The following ERGIC2 variants were observed in gnomAD, a reference collection of about 807,000 sequenced individuals.
ERGIC2 encodes ERGIC and golgi 2.
In ERGIC2, 31 loss-of-function variants were observed where a neutral mutation model predicts 52.5. The observed-to-expected ratio is 0.59, with a 90% CI of 0.44 to 0.80. The LOEUF (loss-of-function observed/expected upper bound fraction) is 0.80, where lower values mean the gene tolerates loss of function less well. Ranked by LOEUF, ERGIC2 falls within the 30% of genes least tolerant of loss-of-function variation. The pLI is 0.00. For missense variants in ERGIC2, 395 were observed against 455.2 expected (o/e 0.87, Z 1.20); for synonymous variants, 129 against 140.6 (o/e 0.92, Z 0.58).
At chr12:29,375,131 C>G (rs937334291) in intron 1 of ERGIC2, among the ~76,000 whole-genome samples, 7 of 151,990 alleles carry the variant, frequency 4.6e-5, no homozygotes, top group Non-Finnish European at 8.8e-5. Flanking sequence ...CTACATTTGA[C>G]TAACTCCTAC....
At chr12:29,355,814 T>C (rs913176390) in intron 8 of ERGIC2, among the ~76,000 whole-genome samples, 13 of 152,140 alleles carry the variant, frequency 8.5e-5, no homozygotes, top group African/African-American at 2.7e-4. Context: ...AAGGCTGTAA[T>C]TGATATTTAC....
chr12:29,375,479 A>C (rs988998675), intron 1 of ERGIC2, among the ~76,000 whole-genome samples: 2 of 152,208 alleles, frequency 1.3e-5, no homozygotes, highest in African/African-American at 4.8e-5. Flanking sequence ...AAGATCCACA[A>C]GAAGGATTTT....
At chr12:29,373,336 T>C (rs1021475193) in intron 1 of ERGIC2, among the ~76,000 whole-genome samples, 1 of 152,164 alleles carries the variant, frequency 6.6e-6, no homozygotes, top group African/African-American at 2.4e-5. Flanking sequence ...ATAGGTAATA[T>C]TATAAAGAAT....
intron 1 of ERGIC2, among the ~76,000 whole-genome samples, chr12:29,379,525 T>C (rs1232631021): frequency 6.6e-6 from 1 of 152,214 alleles, no homozygotes; most frequent in Non-Finnish European, 1.5e-5. Context: ...TCAGTCTACA[T>C]TTTGACTAAG....
At position 29,377,784 on chromosome 12, in the gene ERGIC2, T is replaced by C. The variant is rs371666539; in HGVS notation, c.-38+3331A>G. On this transcript the variant is annotated intron_variant, in intron 1 of 13. Coordinates refer to ENST00000360150, the MANE Select transcript of ERGIC2 (RefSeq NM_016570.3). ...CATCATTGTATCCATCTGAATATAA[T>C]GAGACTATTAAATGCTTTACCAAAA... 3.3e-4 allele frequency among the ~76,000 whole-genome samples: 50 copies of C among 152,350 alleles called. No individual in the cohort carries two copies. In the East Asian group the frequency reaches 8.5e-3, roughly 26 times the overall value.
intron 2 of ERGIC2, among the ~76,000 whole-genome samples, 156 bp from the exon 3 acceptor site, chr12:29,370,378 GT>G (rs1322096429): frequency 6.6e-6 from 1 of 151,754 alleles, no homozygotes; most frequent in East Asian, 1.9e-4. Flanking sequence ...TATTCAAAAT[GT>G]TTATTATGCA....
At chr12:29,374,961 C>T (rs1402339277) in intron 1 of ERGIC2, among the ~76,000 whole-genome samples, 3 of 152,158 alleles carry the variant, frequency 2.0e-5, no homozygotes, top group Non-Finnish European at 1.5e-5. Context: ...GGATTCTATC[C>T]TAACATGTTT....
At position 29,340,882 on chromosome 12, in the gene ERGIC2, T is replaced by C; in HGVS notation, c.*274A>G. The C allele has an allele frequency of 2.1e-6, 1 of 486,260 alleles. No homozygotes were observed. The highest frequency in any genetic ancestry group is 5.0e-5 in the East Asian group (1 of 19,806). The allele number at this position is 486,260 out of a possible 1,614,324, so 30.1% of individuals were successfully genotyped here. ...TCTGATTTTGATACCACCCATTTGC[T>C]ATGAAAATATAAGAAGGCGTCATCT... On this transcript the variant is annotated 3_prime_UTR_variant, in exon 14 of 14. Transcript: ENST00000360150.
chr12:29,352,820 A>C (rs762231518), intron 8 of ERGIC2, among the ~76,000 whole-genome samples: 2 of 140,790 alleles, frequency 1.4e-5, no homozygotes, highest in Non-Finnish European at 3.2e-5. Context: ...TTATCTTTCA[A>C]ATTTAACCTG....
chr12:29,344,539 T>A (rs997652043), intron 11 of ERGIC2, among the ~76,000 whole-genome samples: 2 of 152,140 alleles, frequency 1.3e-5, no homozygotes, highest in African/African-American at 4.8e-5. Context: ...TTTGTGTGAG[T>A]GTATATACAC....
rs1949823675 is a variant in ERGIC2, at chr12:29,339,699, A to G, written c.*1457T>C. ...CTGCATAAACTTTACTGCAAAACAG[A>G]CCCATCACTATTTCTCCTTCTCTCC... On this transcript the variant is annotated 3_prime_UTR_variant, in exon 14 of 14. Coordinates refer to ENST00000360150, the MANE Select transcript of ERGIC2 (RefSeq NM_016570.3). 6.6e-6 allele frequency: 1 copy of G among 152,108 alleles called. No homozygotes were observed. Among genetic ancestry groups the G allele is most frequent in the African/African-American group, 2.4e-5 (1 of 41,440 alleles). 9.4% of individuals were successfully genotyped at this position (152,108 alleles called of 1,614,324 possible).
chr12:29,365,556 A>C (rs2136872201), intron 5 of ERGIC2, among the ~76,000 whole-genome samples: 1 of 152,094 alleles, frequency 6.6e-6, no homozygotes, highest in Non-Finnish European at 1.5e-5. Flanking sequence ...CCTCAGCATT[A>C]CACAATATAC....
chr12:29,356,523 C>T (rs1173488271), intron 7 of ERGIC2, 46 bp from the exon 8 acceptor site: 2 of 998,732 alleles, frequency 2.0e-6, no homozygotes, highest in Non-Finnish European at 3.1e-6. Context: ...AATACAGTTA[C>T]CATTTTATGA....
chr12:29,366,847 A>G, intron 5 of ERGIC2, 30 bp downstream of exon 5: 1 of 1,458,074 alleles, frequency 6.9e-7, no homozygotes, highest in Non-Finnish European at 9.5e-7. Context: ...CAACCCGTGT[A>G]TTTCAAAAAA....
At chr12:29,369,016 C>A (rs1294285199) in intron 3 of ERGIC2, among the ~76,000 whole-genome samples, 5 of 151,870 alleles carry the variant, frequency 3.3e-5, no homozygotes, top group Non-Finnish European at 7.4e-5. Flanking sequence ...CAAATTCAGT[C>A]CTGTGCTTTC....
chr12:29,345,599 ATTC>A (rs756441880), intron 10 of ERGIC2, 59 bp from the exon 11 acceptor site: 11 of 876,936 alleles, frequency 1.3e-5, no homozygotes, highest in Non-Finnish European at 2.1e-5. Flanking sequence ...TGCCAAATAT[ATTC>A]TTCTATTAAA....
chr12:29,356,783 A>AT (rs1046479558), intron 7 of ERGIC2, among the ~76,000 whole-genome samples: 8 of 151,966 alleles, frequency 5.3e-5, no homozygotes, highest in African/African-American at 1.5e-4. Context: ...AAAAAGACAT[A>AT]TTTTTTTCAT....
At chr12:29,341,255 T>C (rs1431391707) in intron 13 of ERGIC2, 37 bp from the exon 14 acceptor site, 1 of 1,505,488 alleles carries the variant, frequency 6.6e-7, no homozygotes, top group Admixed American at 1.8e-5. Flanking sequence ...ACCAAAGAAT[T>C]AGTTTTATTC....
Position 29,338,755 on chromosome 12 carries a change from T to A in ERGIC2, c.*2401A>T, listed in dbSNP as rs748563243. 1 of 152,190 alleles carries A rather than the reference T, an allele frequency of 6.6e-6. No individual in the cohort carries two copies. The highest frequency in any genetic ancestry group is 1.5e-5 in the Non-Finnish European group (1 of 68,024). The allele number at this position is 152,190 out of a possible 1,614,324, so 9.4% of individuals were successfully genotyped here. A position where few individuals can be genotyped will look rare whatever the true frequency, so the allele number is the denominator to read the frequency against. On this transcript the variant is annotated 3_prime_UTR_variant, in exon 14 of 14. Coordinates refer to ENST00000360150, the MANE Select transcript of ERGIC2 (RefSeq NM_016570.3). The stretch of plus-strand genomic sequence containing the variant: ...GGGAATTATTCACCTAAATATTTAA[T>A]CTTCTTTATAGGTCAATGTATGCAA...
Sources: gnomAD v4.1 joint callset for allele counts (sites outside exome capture counted in the v4.1 genomes callset) on GRCh38, gnomAD v4.1.1 for gene constraint, MANE v1.5 for transcripts, NCBI Gene and HGNC (gene_info 2026-07-23, HGNC 2026-07-21) for gene names.